Variants in SLC30A8 observed in about 807,000 individuals in gnomAD.
The protein encoded by SLC30A8 is proton-coupled zinc antiporter SLC30A8.
A neutral mutation model predicts 36.9 loss-of-function variants in SLC30A8; 27 were observed. That is an observed-to-expected ratio of 0.73 (90% confidence interval 0.54 to 1.01). The LOEUF is 1.01. Ranked by LOEUF, SLC30A8 falls within the 50% of genes least tolerant of loss-of-function variation. The pLI is 0.00. For synonymous variants in SLC30A8, 164 were observed against 172.4 expected, an observed-to-expected ratio of 0.95 and a Z score of 0.38; for missense variants, 439 against 452.0, an observed-to-expected ratio of 0.97 and a Z score of 0.26.
At chr8:117,156,644 C>G (rs1263563472) in intron 3 of SLC30A8, among the ~76,000 whole-genome samples, 4 of 152,172 alleles carry the variant, frequency 2.6e-5, no homozygotes, top group Non-Finnish European at 5.9e-5. Flanking sequence ...CATCCTGATG[C>G]ACATTACAAA....
intron 1 of SLC30A8, among the ~76,000 whole-genome samples, chr8:117,036,653 A>C (rs1165076437): frequency 2.0e-5 from 3 of 152,152 alleles, no homozygotes; most frequent in Non-Finnish European, 4.4e-5. Context: ...AAACACTTAT[A>C]AAACCATCAG....
At chr8:117,168,665 G>A (rs1823193277) in intron 6 of SLC30A8, among the ~76,000 whole-genome samples, 1 of 152,020 alleles carries the variant, frequency 6.6e-6, no homozygotes, top group African/African-American at 2.4e-5. Flanking sequence ...AAGGGTAGTG[G>A]GATCATGACT....
intron 1 of SLC30A8, among the ~76,000 whole-genome samples, chr8:116,988,297 G>A (rs182424319): frequency 6.6e-6 from 1 of 152,316 alleles, no homozygotes; most frequent in East Asian, 1.9e-4. Flanking sequence ...CACTTTTCAT[G>A]CTGTTATATT....
At chr8:117,168,321 A>G in intron 6 of SLC30A8, among the ~76,000 whole-genome samples, 1 of 152,160 alleles carries the variant, frequency 6.6e-6, no homozygotes, top group East Asian at 1.9e-4. Context: ...AGTATTATCA[A>G]ACTAACTGTT....
At chr8:117,005,391 A>G (rs571097526) in intron 1 of SLC30A8, among the ~76,000 whole-genome samples, 4 of 152,340 alleles carry the variant, frequency 2.6e-5, no homozygotes, top group African/African-American at 9.6e-5. Context: ...ATGTTGTAGT[A>G]CGTATCAGTG....
chr8:116,961,285 C>T (rs887813000), intron 1 of SLC30A8, among the ~76,000 whole-genome samples: 5 of 151,924 alleles, frequency 3.3e-5, no homozygotes, highest in East Asian at 3.9e-4. Context: ...AAAAATTAGC[C>T]GGGCGTGGTG....
chr8:116,975,135 A>C (rs1330944409), intron 1 of SLC30A8, among the ~76,000 whole-genome samples: 2 of 152,068 alleles, frequency 1.3e-5, no homozygotes, highest in African/African-American at 2.4e-5. Flanking sequence ...ACATGTGTAC[A>C]TATGTAACAA....
chr8:117,129,130 T>A (rs1272534021), intron 2 of SLC30A8, among the ~76,000 whole-genome samples: 1 of 152,016 alleles, frequency 6.6e-6, no homozygotes, highest in East Asian at 1.9e-4. Context: ...AGCAAGGAGT[T>A]TCAGTTAGTA....
chr8:117,026,383 C>G (rs77894980), intron 1 of SLC30A8, among the ~76,000 whole-genome samples: 5,646 of 152,134 alleles, frequency 0.037, 144 homozygotes, highest in South Asian at 0.074. Context: ...TATATGTATT[C>G]TTTTGCTCAG....
chr8:116,980,022 A>C (rs1815200341), intron 1 of SLC30A8, among the ~76,000 whole-genome samples: 1 of 152,196 alleles, frequency 6.6e-6, no homozygotes, highest in Admixed American at 6.5e-5. Flanking sequence ...CCAATACCCT[A>C]AATGATGTTA....
chr8:117,019,072 A>G (rs1816621378), intron 1 of SLC30A8, among the ~76,000 whole-genome samples: 1 of 152,186 alleles, frequency 6.6e-6, no homozygotes, highest in African/African-American at 2.4e-5. Context: ...GTTTCATCTT[A>G]AAATTTAAAA....
chr8:116,977,661 G>T (rs1815097527), intron 1 of SLC30A8, among the ~76,000 whole-genome samples: 1 of 151,940 alleles, frequency 6.6e-6, no homozygotes, highest in African/African-American at 2.4e-5. Context: ...ACAGGCGTGT[G>T]TCACCACACC....
rs998232313 is a variant in SLC30A8, at chr8:117,175,136, T to TTAAG, written c.*2457_*2460dup. The TTAAG allele has an allele frequency of 6.6e-6, 1 of 152,128 alleles. No individual in the cohort carries two copies. The highest frequency in any genetic ancestry group is 2.1e-4 in the South Asian group (1 of 4,828). 9.4% of individuals were successfully genotyped at this position (152,128 alleles called of 1,614,324 possible). On this transcript the variant is annotated 3_prime_UTR_variant, in exon 8 of 8. Coordinates refer to ENST00000456015, the MANE Select transcript of SLC30A8 (RefSeq NM_173851.3). ...GTCTTTTTTTTGTTATTGTTATACT[T>TTAAG]TAAGTTCTGGGGTACATGTGCGGAA...
chr8:117,134,087 T>C (rs191185072), upstream of SLC30A8, among the ~76,000 whole-genome samples: 30 of 152,076 alleles, frequency 2.0e-4, no homozygotes, highest in Admixed American at 6.6e-5. Context: ...CCTATGACAA[T>C]TGGCATTGAA....
At chr8:117,019,598 T>C (rs1816637573) in intron 1 of SLC30A8, among the ~76,000 whole-genome samples, 1 of 152,182 alleles carries the variant, frequency 6.6e-6, no homozygotes, top group Non-Finnish European at 1.5e-5. Context: ...TCCTTTCTCC[T>C]TCCTTCTTGA....
intron 2 of SLC30A8, among the ~76,000 whole-genome samples, chr8:117,123,645 G>T (rs949829754): frequency 2.6e-5 from 4 of 151,918 alleles, no homozygotes; most frequent in African/African-American, 9.7e-5. Flanking sequence ...CTTTTATGAG[G>T]TATAATTCAC....
intron 2 of SLC30A8, among the ~76,000 whole-genome samples, chr8:117,059,368 A>G (rs145745519): frequency 6.8e-4 from 103 of 152,324 alleles, no homozygotes; most frequent in Non-Finnish European, 8.7e-4. Flanking sequence ...AGCTTAAGAA[A>G]ACATCTGCTC....
chr8:117,032,457 C>T (rs1000068671), intron 1 of SLC30A8, among the ~76,000 whole-genome samples: 5 of 152,310 alleles, frequency 3.3e-5, no homozygotes, highest in South Asian at 2.1e-4. Flanking sequence ...TTTCATTTTT[C>T]AGCTTCTAAA....
intron 1 of SLC30A8, among the ~76,000 whole-genome samples, chr8:116,973,383 A>G (rs1387271501): frequency 1.3e-5 from 2 of 152,200 alleles, no homozygotes; most frequent in East Asian, 1.9e-4. Context: ...ATAAGCTCCT[A>G]TACACCAATA....
Sources: allele counts gnomAD v4.1 joint callset (sites outside exome capture counted in the v4.1 genomes callset), GRCh38; gene constraint gnomAD v4.1.1; transcripts MANE v1.5; gene names NCBI Gene and HGNC (gene_info 2026-07-23, HGNC 2026-07-21).